The following STARD13 variants were observed in gnomAD, a reference collection of about 807,000 sequenced individuals.
STARD13 encodes StAR related lipid transfer domain containing 13.
Under a neutral mutation model 106.4 loss-of-function variants are expected in STARD13, and 62 were observed. The observed-to-expected ratio is 0.58, with a 90% CI of 0.48 to 0.72. The LOEUF (loss-of-function observed/expected upper bound fraction) is 0.72, where lower values mean the gene tolerates loss of function less well. Among genes scored for constraint, STARD13 ranks in the 30% least tolerant of loss-of-function variants. The pLI is 0.00. For missense variants in STARD13, 1,387 were observed against 1,424.0 expected (o/e 0.97, Z 0.42); for synonymous variants, 565 against 553.0 (o/e 1.02, Z -0.31).
chr13:33,380,539 T>G, the STARD13 span, among the ~76,000 whole-genome samples: 1 of 144,382 alleles, frequency 6.9e-6, no homozygotes, highest in Non-Finnish European at 1.5e-5. Context: ...CTGTGTGCTT[T>G]CTTAGGTAAG....
chr13:33,219,686 T>C (rs564333159), intron 1 of STARD13, among the ~76,000 whole-genome samples: 494 of 151,266 alleles, frequency 3.3e-3, no homozygotes, highest in Admixed American at 6.3e-3. Context: ...ATGCCTGTAG[T>C]CCTAGCTACT....
chr13:33,520,621 A>T, the STARD13 span, among the ~76,000 whole-genome samples: 1 of 152,064 alleles, frequency 6.6e-6, no homozygotes, highest in Non-Finnish European at 1.5e-5. Context: ...CCTGGTGGTC[A>T]AAGTCATTCT....
At chr13:33,675,062 T>C in the STARD13 span, among the ~76,000 whole-genome samples, 5 of 152,218 alleles carry the variant, frequency 3.3e-5, no homozygotes, top group Admixed American at 6.5e-5. Context: ...ACAGCCCAGC[T>C]TCCCTTCCTT....
At chr13:33,667,582 A>G in the STARD13 span, among the ~76,000 whole-genome samples, 1 of 152,236 alleles carries the variant, frequency 6.6e-6, no homozygotes, top group East Asian at 1.9e-4. Flanking sequence ...TTCACTTCTA[A>G]GACACCATCC....
chr13:33,168,906 C>T (rs1054955787), intron 1 of STARD13, among the ~76,000 whole-genome samples: 1 of 152,238 alleles, frequency 6.6e-6, no homozygotes, highest in Non-Finnish European at 1.5e-5. Context: ...TTCCACAGAT[C>T]TGGTTAAATC....
chr13:33,109,030 C>G (rs750812579), intron 12 of STARD13, among the ~76,000 whole-genome samples: 2 of 152,126 alleles, frequency 1.3e-5, no homozygotes, highest in Non-Finnish European at 2.9e-5. Flanking sequence ...TGAAAAGTAA[C>G]CTTTAGTTTG....
At chr13:33,168,224 G>A (rs1228362285) in intron 1 of STARD13, among the ~76,000 whole-genome samples, 1 of 152,054 alleles carries the variant, frequency 6.6e-6, no homozygotes, top group Non-Finnish European at 1.5e-5. Flanking sequence ...AAGCACATTG[G>A]AATGATTTCA....
In STARD13 at chr13:33,111,833, A is replaced by G; in HGVS notation, c.2552T>C (p.Leu851Pro). 1 of 1,614,182 alleles carries G rather than the reference A, an allele frequency of 6.2e-7. No individual in the cohort carries two copies. The highest frequency in any genetic ancestry group is 2.2e-5 in the East Asian group (1 of 44,888). The change falls in exon 10 of 14, where the codon CTG (leucine) becomes CCG (proline). Residue 851 changes from leucine (L) to proline (P), a missense_variant. Transcript: ENST00000336934. The part of the protein sequence containing the change: ...KPDQKDLNEN[L>P]AAAQGLAHMI... ...GTGCGCTAGCCCCTGAGCTGCTGCC[A>G]GATTCTCGTTGAGGTCCTTTTGATC... is the stretch of plus-strand genomic sequence containing the variant.
the STARD13 span, among the ~76,000 whole-genome samples, chr13:33,655,587 G>A: frequency 3.9e-5 from 6 of 152,142 alleles, no homozygotes; most frequent in South Asian, 2.1e-4. Context: ...TTATTGGACC[G>A]GAGACACTTT....
intron 1 of STARD13, among the ~76,000 whole-genome samples, chr13:33,333,258 C>T (rs9569351): frequency 1.3e-5 from 2 of 151,804 alleles, no homozygotes; most frequent in African/African-American, 2.4e-5. Context: ...GGCTTGGTGG[C>T]GGGCACCAAA....
At chr13:33,352,737 G>T (rs2078090698), upstream of STARD13, among the ~76,000 whole-genome samples, 1 of 152,206 alleles carries the variant, frequency 6.6e-6, no homozygotes. Flanking sequence ...TGCTGGCCCT[G>T]TTGGAAGAAA....
upstream of STARD13, chr13:33,350,684 C>T (rs1459938475): frequency 1.5e-5 from 18 of 1,161,422 alleles, no homozygotes; most frequent in Non-Finnish European, 1.9e-5. Context: ...TTCTCCTCCC[C>T]TCCTCCCCTC....
At chr13:33,621,075 AAAAGAAGAGCAAACT>A in the STARD13 span, among the ~76,000 whole-genome samples, 1 of 152,072 alleles carries the variant, frequency 6.6e-6, no homozygotes, top group East Asian at 1.9e-4. Flanking sequence ...AAGAAGTAGA[AAAAGAAGAGCAAACT>A]AAACTTAAAG....
the STARD13 span, among the ~76,000 whole-genome samples, chr13:33,588,209 G>T: frequency 6.6e-6 from 1 of 152,054 alleles, no homozygotes; most frequent in Non-Finnish European, 1.5e-5. Flanking sequence ...ATTCCTTCTT[G>T]TATCTACAGC....
At chr13:33,179,570 A>C (rs1441927583) in intron 1 of STARD13, among the ~76,000 whole-genome samples, 1 of 152,156 alleles carries the variant, frequency 6.6e-6, no homozygotes, top group African/African-American at 2.4e-5. Flanking sequence ...ATTTGTCTTT[A>C]CTTATTTATT....
chr13:33,621,463 G>A, the STARD13 span, among the ~76,000 whole-genome samples: 17 of 152,058 alleles, frequency 1.1e-4, no homozygotes, highest in East Asian at 3.3e-3. Flanking sequence ...AGATCACCAG[G>A]TCAGGAGGTC....
At chr13:33,499,526 T>C in the STARD13 span, among the ~76,000 whole-genome samples, 8 of 22,778 alleles carry the variant, frequency 3.5e-4, no homozygotes, top group East Asian at 4.2e-3. Flanking sequence ...TTCTTTCTTC[T>C]TCTTCTTCTT....
At chr13:33,255,709 T>A (rs1250357892) in intron 1 of STARD13, among the ~76,000 whole-genome samples, 1 of 152,098 alleles carries the variant, frequency 6.6e-6, no homozygotes, top group African/African-American at 2.4e-5. Flanking sequence ...TAAAGAGATT[T>A]CCATCCTTAA....
chr13:33,544,362 C>CAAT, the STARD13 span, among the ~76,000 whole-genome samples: 1 of 152,196 alleles, frequency 6.6e-6, no homozygotes, highest in Non-Finnish European at 1.5e-5. Flanking sequence ...TTTCTCAATT[C>CAAT]TGTCAAATTC....
Sources: allele counts gnomAD v4.1 joint callset (sites outside exome capture counted in the v4.1 genomes callset), GRCh38; gene constraint gnomAD v4.1.1; transcripts MANE v1.5; gene names NCBI Gene and HGNC (gene_info 2026-07-23, HGNC 2026-07-21).